The following LRRC69 variants were observed in gnomAD, a reference collection of about 807,000 sequenced individuals.
The protein encoded by LRRC69 is leucine-rich repeat-containing protein 69.
LRRC69 carries 42 observed loss-of-function variants against 37.8 expected under a neutral mutation model. The ratio of observed to expected loss-of-function variants is 1.11; its 90% CI spans 0.87 to 1.44. The LOEUF (loss-of-function observed/expected upper bound fraction) is 1.44, where lower values mean the gene tolerates loss of function less well. Among genes scored for constraint, LRRC69 ranks in the 40% most tolerant of loss-of-function variants. LRRC69 has a pLI of 0.00. For synonymous variants in LRRC69, 141 were observed against 143.1 expected (o/e 0.99, Z 0.11); for missense variants, 357 against 401.9 (o/e 0.89, Z 0.96).
chr8:91,180,680 C>T (rs1015486880), intron 5 of LRRC69, among the ~76,000 whole-genome samples: 2 of 151,888 alleles, frequency 1.3e-5, no homozygotes, highest in African/African-American at 4.8e-5. Context: ...AGGCTGAGGG[C>T]AAAACTTCAG....
chr8:91,127,567 G>T (rs553994587), intron 3 of LRRC69, among the ~76,000 whole-genome samples: 1 of 80,102 alleles, frequency 1.2e-5, no homozygotes, highest in African/African-American at 4.8e-5. Flanking sequence ...TGTCATTTTC[G>T]TTTTTAAAAA....
chr8:91,177,620 AC>A (rs1809254974), intron 5 of LRRC69, among the ~76,000 whole-genome samples: 1 of 152,170 alleles, frequency 6.6e-6, no homozygotes. Flanking sequence ...ATGGTACTCA[AC>A]AAATGATAAC....
At chr8:91,184,777 A>G (rs1809377500) in intron 5 of LRRC69, among the ~76,000 whole-genome samples, 1 of 152,220 alleles carries the variant, frequency 6.6e-6, no homozygotes, top group Non-Finnish European at 1.5e-5. Context: ...AGGGAAATGC[A>G]AAGGCCCCAA....
At chr8:91,195,511 T>C in intron 6 of LRRC69, among the ~76,000 whole-genome samples, 1 of 151,180 alleles carries the variant, frequency 6.6e-6, no homozygotes, top group East Asian at 1.9e-4. Context: ...GGACTTGCTT[T>C]ATGAATCTGG....
chr8:91,192,959 C>T lies in LRRC69; in HGVS notation c.753+3336C>T, dbSNP rs540291547. 3.3e-5 allele frequency among the ~76,000 whole-genome samples: 5 copies of T among 152,280 alleles called. No individual in the cohort carries two copies. The South Asian group carries it at 8.3e-4, about 25-fold the overall frequency. On this transcript the variant is annotated intron_variant, in intron 6 of 7. Coordinates refer to ENST00000448384, the Ensembl canonical transcript of LRRC69. The stretch of plus-strand genomic sequence containing the variant: ...TGAATGGTATTGCCTAGGTTTTCTT[C>T]TAGGGTTTTTTACGGTTTTAGATCT...
intron 6 of LRRC69, among the ~76,000 whole-genome samples, chr8:91,197,150 A>G (rs200094567): frequency 4.9e-4 from 74 of 151,986 alleles, no homozygotes; most frequent in African/African-American, 1.1e-3. Context: ...CAGTTAGGCT[A>G]CTCGGGGGTC....
chr8:91,124,241 G>A (rs1813678497), intron 1 of LRRC69, among the ~76,000 whole-genome samples: 1 of 151,882 alleles, frequency 6.6e-6, no homozygotes, highest in East Asian at 1.9e-4. Context: ...GGGATGGTTA[G>A]TAATATAATT....
At chr8:91,144,082 A>G (rs1808576280) in intron 5 of LRRC69, among the ~76,000 whole-genome samples, 1 of 151,962 alleles carries the variant, frequency 6.6e-6, no homozygotes, top group South Asian at 2.1e-4. Flanking sequence ...ATGTATATGA[A>G]TTCTTATTAG....
At chr8:91,166,863 A>G (rs1809039746) in intron 5 of LRRC69, among the ~76,000 whole-genome samples, 1 of 151,860 alleles carries the variant, frequency 6.6e-6, no homozygotes, top group African/African-American at 2.4e-5. Flanking sequence ...CTGCCAACCA[A>G]ACGCTGTTAT....
At chr8:91,206,886 A>G (rs747828018) in intron 7 of LRRC69, 23 of 1,255,052 alleles carry the variant, frequency 1.8e-5, no homozygotes, top group Non-Finnish European at 2.4e-5. Flanking sequence ...AGTAGAGGAT[A>G]TGGGCAGGGA....
At chr8:91,103,281 T>TTTA in intron 1 of LRRC69, among the ~76,000 whole-genome samples, 2 of 150,880 alleles carry the variant, frequency 1.3e-5, no homozygotes. Flanking sequence ...AGCAAGGGAG[T>TTTA]TCCTTTTCAA....
At chr8:91,125,074 A>C (rs557326982) in intron 2 of LRRC69, among the ~76,000 whole-genome samples, 2 of 151,976 alleles carry the variant, frequency 1.3e-5, no homozygotes, top group African/African-American at 4.8e-5. Context: ...AGATCCAATA[A>C]GCATTTTTTT....
intron 7 of LRRC69, among the ~76,000 whole-genome samples, chr8:91,216,308 A>G (rs952711680): frequency 2.0e-5 from 3 of 152,150 alleles, no homozygotes; most frequent in Admixed American, 6.6e-5. Flanking sequence ...AACTCTGCCC[A>G]TGCGATGTCC....
intron 1 of LRRC69, among the ~76,000 whole-genome samples, 195 bp downstream of exon 1, chr8:91,103,039 T>A (rs931660717): frequency 1.3e-5 from 2 of 152,134 alleles, no homozygotes; most frequent in African/African-American, 4.8e-5. Context: ...TAGGGAGAGA[T>A]GTTTCAATTT....
chr8:91,213,770 G>T (rs1420370631), intron 7 of LRRC69, among the ~76,000 whole-genome samples: 1 of 152,134 alleles, frequency 6.6e-6, no homozygotes, highest in Non-Finnish European at 1.5e-5. Flanking sequence ...CAGATACATG[G>T]AGAAGAAAGT....
intron 5 of LRRC69, among the ~76,000 whole-genome samples, chr8:91,152,382 G>T (rs572202350): frequency 2.7e-4 from 41 of 151,668 alleles, no homozygotes; most frequent in Non-Finnish European, 5.3e-4. Context: ...TTATTAAATA[G>T]GGAATACTTT....
At chr8:91,178,887 T>C (rs72666044) in intron 5 of LRRC69, among the ~76,000 whole-genome samples, 1 of 152,338 alleles carries the variant, frequency 6.6e-6, no homozygotes, top group Non-Finnish European at 1.5e-5. Flanking sequence ...GATGTTTATG[T>C]GTACACAATT....
intron 5 of LRRC69, among the ~76,000 whole-genome samples, chr8:91,156,355 G>T (rs1209596565): frequency 6.6e-6 from 1 of 150,896 alleles, no homozygotes; most frequent in East Asian, 2.0e-4. Flanking sequence ...ATACTTGTTG[G>T]CCATTTGTGT....
intron 5 of LRRC69, among the ~76,000 whole-genome samples, chr8:91,153,311 G>T (rs1162339025): frequency 2.6e-5 from 4 of 151,242 alleles, no homozygotes; most frequent in African/African-American, 9.7e-5. Flanking sequence ...CATTGAGACA[G>T]AAAATTAACA....
Sources: allele counts gnomAD v4.1 joint callset (sites outside exome capture counted in the v4.1 genomes callset), GRCh38; gene constraint gnomAD v4.1.1; transcripts MANE v1.5; gene names NCBI Gene and HGNC (gene_info 2026-07-23, HGNC 2026-07-21).